The following RTTN variants were observed in gnomAD, a reference collection of about 807,000 sequenced individuals.
RTTN encodes the protein rotatin.
RTTN carries 182 observed loss-of-function variants against 269.2 expected under a neutral mutation model. The ratio of observed to expected loss-of-function variants is 0.68; its 90% CI spans 0.60 to 0.76. The LOEUF (loss-of-function observed/expected upper bound fraction) is 0.76. RTTN is among the 30% of genes least tolerant of loss of function. RTTN has a pLI of 0.00. For missense variants in RTTN, 2,545 were observed against 2,608.6 expected (o/e 0.98, Z 0.53); for synonymous variants, 1,006 against 963.5 (o/e 1.04, Z -0.82).
intron 26 of RTTN, among the ~76,000 whole-genome samples, chr18:70,119,524 TGAAAG>T (rs1437428201): frequency 6.6e-6 from 1 of 151,120 alleles, no homozygotes; most frequent in East Asian, 1.9e-4. Flanking sequence ...AAAGAAGAAA[TGAAAG>T]GAGACTAACA....
At chr18:70,162,886 G>GAAAAAAAAAAAAAAAAAAAAAAAAAA (rs5825997) in intron 14 of RTTN, among the ~76,000 whole-genome samples, 1 of 50,194 alleles carries the variant, frequency 2.0e-5, no homozygotes, top group Admixed American at 2.9e-4. Context: ...AATAAAAGTT[G>GAAAAAAAAAAAAAAAAAAAAAAAAAA]AAAAAAAAAA....
At chr18:70,088,168 G>A (rs755302458) in intron 30 of RTTN, 21 bp from the exon 31 acceptor site, 32 of 1,584,816 alleles carry the variant, frequency 2.0e-5, no homozygotes, top group Non-Finnish European at 6.0e-6. Context: ...TAAAGAGAAA[G>A]TTGTTGAATC....
At chr18:70,176,566 G>T (rs1455479166) in intron 11 of RTTN, 109 bp downstream of exon 11, 8 of 946,296 alleles carry the variant, frequency 8.5e-6, no homozygotes, top group South Asian at 3.5e-5. Context: ...TTTGAAAATG[G>T]CCTAAAGCAC....
intron 28 of RTTN, among the ~76,000 whole-genome samples, chr18:70,109,093 A>C (rs1283145780): frequency 6.6e-6 from 1 of 152,212 alleles, no homozygotes; most frequent in East Asian, 1.9e-4. Flanking sequence ...AAAAAGAAAA[A>C]ACAAATATCC....
Position 70,030,959 on chromosome 18 carries a change from T to C in RTTN, c.5564A>G (p.Lys1855Arg). 1 of 1,613,098 alleles carries C rather than the reference T, an allele frequency of 6.2e-7. No individual in the cohort carries two copies. Among genetic ancestry groups the C allele is most frequent in the Non-Finnish European group, 8.5e-7 (1 of 1,179,516 alleles). Residue 1855 changes from lysine (K) to arginine (R), a missense_variant, in exon 41 of 49, where the codon AAA becomes AGA. Lys to Arg is a conservative substitution (Grantham distance 26, BLOSUM62 2). Transcript: ENST00000640769. ...ILQCYEGKSS[K>R]DILKRVAANA... Reference sequence around the variant, plus strand: ...TGCAGCTACTCTTTTCAGGATATCTTTGGAGGATTTCCCTTCATAGCACTG... The same window carrying C: ...TGCAGCTACTCTTTTCAGGATATCTCTGGAGGATTTCCCTTCATAGCACTG...
rs2060105590 is a variant in RTTN at position 70,135,572 on chromosome 18, C to T, written c.2789-292G>A. 2.6e-5 allele frequency among the ~76,000 whole-genome samples: 4 copies of T among 152,292 alleles called. No individual in the cohort carries two copies. The South Asian group carries it at 8.3e-4, about 32-fold the overall frequency. ...AGTCCAGGAGCCACACTTGTAGATA[C>T]ACTCACTAGACACTGTCTAGTCTTA... On this transcript the variant is annotated intron_variant, in intron 21 of 48. Coordinates refer to ENST00000640769, the MANE Select transcript of RTTN (RefSeq NM_173630.4).
At chr18:70,135,054 T>A in intron 22 of RTTN, 130 bp downstream of exon 22, 1 of 497,334 alleles carries the variant, frequency 2.0e-6, no homozygotes, top group Non-Finnish European at 3.6e-6. Context: ...TCAAAATTCA[T>A]ACCACATATG....
intron 14 of RTTN, among the ~76,000 whole-genome samples, chr18:70,165,291 A>G (rs1056175368): frequency 6.6e-6 from 1 of 151,528 alleles, no homozygotes; most frequent in African/African-American, 2.4e-5. Flanking sequence ...TCTTTAAATT[A>G]TTTAAAGATA....
At chr18:70,166,503 G>A (rs2060990076) in intron 13 of RTTN, 2 of 214,632 alleles carry the variant, frequency 9.3e-6, no homozygotes, top group Admixed American at 1.1e-4. Flanking sequence ...ATTTGCTGAT[G>A]TCCTCAAAAT....
intron 26 of RTTN, among the ~76,000 whole-genome samples, chr18:70,115,149 G>A: frequency 6.6e-6 from 1 of 151,964 alleles, no homozygotes; most frequent in East Asian, 1.9e-4. Flanking sequence ...TCTTATGTAT[G>A]AATTCTGCAA....
chr18:70,100,638 C>T (rs1367966011), intron 28 of RTTN, among the ~76,000 whole-genome samples: 1 of 152,160 alleles, frequency 6.6e-6, no homozygotes, highest in Non-Finnish European at 1.5e-5. Context: ...TGAGAGAGGG[C>T]ATCCCTGTCT....
chr18:70,140,620 C>A lies in RTTN; in HGVS notation c.2582-432G>T, dbSNP rs75560020. Among the ~76,000 whole-genome samples, 1,476 of 152,094 alleles carry A rather than the reference C, an allele frequency of 9.7e-3. 23 individuals are homozygous for A. Among genetic ancestry groups the A allele is most frequent in the African/African-American group, 0.034 (1,407 of 41,524 alleles). ...TATGACTTACAACATGAACATTTTT[C>A]TATCTATAAAAAAATCTCTAACCTC... On this transcript the variant is annotated intron_variant, in intron 19 of 48. Transcript: ENST00000640769.
chr18:70,158,250 C>G (rs2060735579), intron 14 of RTTN, among the ~76,000 whole-genome samples: 1 of 152,138 alleles, frequency 6.6e-6, no homozygotes, highest in African/African-American at 2.4e-5. Flanking sequence ...AACAGCAGAC[C>G]TTTCAGCAGA....
chr18:70,127,037 A>G (rs2059882695), intron 25 of RTTN, among the ~76,000 whole-genome samples: 1 of 152,204 alleles, frequency 6.6e-6, no homozygotes, highest in Non-Finnish European at 1.5e-5. Flanking sequence ...CTTCTCAATT[A>G]ACTGCTATAA....
At chr18:70,196,184 T>A (rs2061800922) in intron 7 of RTTN, among the ~76,000 whole-genome samples, 1 of 152,066 alleles carries the variant, frequency 6.6e-6, no homozygotes, top group Non-Finnish European at 1.5e-5. Flanking sequence ...TCCAAAGTCC[T>A]ACATGAATAG....
intron 44 of RTTN, 59 bp from the exon 45 acceptor site, chr18:70,020,876 A>T (rs1384178664): frequency 7.0e-7 from 1 of 1,421,898 alleles, no homozygotes; most frequent in East Asian, 2.3e-5. Context: ...GTTTTTGAAG[A>T]CACTAAGTGG....
intron 14 of RTTN, among the ~76,000 whole-genome samples, chr18:70,161,367 A>C (rs2060824920): frequency 6.6e-6 from 1 of 152,180 alleles, no homozygotes; most frequent in South Asian, 2.1e-4. Context: ...TTAGACTTAA[A>C]TGTAAGACTT....
chr18:70,146,623 G>A (rs2060399885), intron 17 of RTTN, among the ~76,000 whole-genome samples: 1 of 152,170 alleles, frequency 6.6e-6, no homozygotes, highest in South Asian at 2.1e-4. Context: ...TCTGTATGCA[G>A]GCCTGCCACC....
intron 41 of RTTN, 140 bp downstream of exon 41, chr18:70,030,735 GA>G (rs536578163): frequency 3.2e-4 from 175 of 544,588 alleles, no homozygotes; most frequent in African/African-American, 1.3e-3. Context: ...TTCTGTATGG[GA>G]AAAAAAATTA....
Sources: gnomAD v4.1 joint callset for allele counts (sites outside exome capture counted in the v4.1 genomes callset) on GRCh38, gnomAD v4.1.1 for gene constraint, MANE v1.5 for transcripts, NCBI Gene and HGNC (gene_info 2026-07-23, HGNC 2026-07-21) for gene names.